EPHA3: variants seen among roughly 807,000 people sequenced by gnomAD.
EPHA3 encodes ephrin type-A receptor 3.
EPHA3 carries 42 observed loss-of-function variants against 107.1 expected under a neutral mutation model. The observed-to-expected ratio is 0.39, with a 90% CI of 0.31 to 0.51. The LOEUF (loss-of-function observed/expected upper bound fraction) is 0.51, where lower values mean the gene tolerates loss of function less well. EPHA3 is among the 20% of genes least tolerant of loss of function. The pLI is 0.78. For missense variants in EPHA3, 1,183 were observed against 1,211.2 expected (o/e 0.98, Z 0.35); for synonymous variants, 461 against 424.8 (o/e 1.09, Z -1.05).
chr3:89,139,288 G>A (rs963711168), intron 2 of EPHA3, among the ~76,000 whole-genome samples: 17 of 151,788 alleles, frequency 1.1e-4, no homozygotes, highest in African/African-American at 1.2e-4. Flanking sequence ...ACTGATAGCC[G>A]CACACTTCAT....
chr3:89,170,153 G>T (rs1040163299), intron 2 of EPHA3, among the ~76,000 whole-genome samples: 1 of 152,008 alleles, frequency 6.6e-6, no homozygotes, highest in African/African-American at 2.4e-5. Context: ...CTGCTCGGGA[G>T]GCTGAGGCAG....
At chr3:89,473,094 T>C (rs1173165212) in intron 16 of EPHA3, among the ~76,000 whole-genome samples, 2 of 152,178 alleles carry the variant, frequency 1.3e-5, no homozygotes, top group Non-Finnish European at 2.9e-5. Flanking sequence ...GTTTTCATAG[T>C]TGCTAAATAA....
intron 3 of EPHA3, among the ~76,000 whole-genome samples, chr3:89,288,284 G>A (rs1024950227): frequency 7.9e-5 from 12 of 152,064 alleles, no homozygotes; most frequent in African/African-American, 2.9e-4. Context: ...CTTTCTAAAT[G>A]GATGTGTCAC....
intron 2 of EPHA3, among the ~76,000 whole-genome samples, chr3:89,170,493 C>G (rs887454884): frequency 3.3e-5 from 5 of 152,020 alleles, no homozygotes; most frequent in African/African-American, 1.2e-4. Flanking sequence ...GTGAAGATTT[C>G]CACTGGTCTA....
intron 15 of EPHA3, among the ~76,000 whole-genome samples, chr3:89,468,993 T>C (rs886796866): frequency 6.6e-6 from 1 of 152,146 alleles, no homozygotes; most frequent in African/African-American, 2.4e-5. Context: ...AGATAACTTA[T>C]GAAATGTTAT....
chr3:89,341,644 A>G, intron 4 of EPHA3, 111 bp from the exon 5 acceptor site: 1 of 860,412 alleles, frequency 1.2e-6, no homozygotes. Flanking sequence ...AAAGTTGATA[A>G]TAAAGAAAGG....
rs573466403 is a variant in EPHA3 at position 89,422,965 on chromosome 3, CACA to C, written c.2074+3580_2074+3582del. Among the ~76,000 whole-genome samples, 24 of 151,422 alleles carry C rather than the reference CACA, an allele frequency of 1.6e-4. No individual in the cohort carries two copies. In the South Asian group the frequency reaches 4.4e-3, roughly 27 times the overall value. Reference sequence around the variant, plus strand: ...GAAAGCGGGGGGCACAGGCTCTGCTCACAACAAGGTACTAACATGTGTTATCAA... The same window carrying C: ...GAAAGCGGGGGGCACAGGCTCTGCTCACAAGGTACTAACATGTGTTATCAA... On this transcript the variant is annotated intron_variant, in intron 11 of 16. Transcript: ENST00000336596.
intron 5 of EPHA3, among the ~76,000 whole-genome samples, chr3:89,362,593 A>C (rs1708115474): frequency 6.6e-6 from 1 of 151,082 alleles, no homozygotes; most frequent in South Asian, 2.1e-4. Flanking sequence ...TAATATGGAA[A>C]GATGTTCCTT....
chr3:89,479,272 G>A, intron 16 of EPHA3, 125 bp from the exon 17 acceptor site: 1 of 731,250 alleles, frequency 1.4e-6, no homozygotes, highest in Non-Finnish European at 2.4e-6. Context: ...CACAGATGAT[G>A]CAAATATCAG....
At chr3:89,353,494 C>T (rs922944015) in intron 5 of EPHA3, among the ~76,000 whole-genome samples, 1 of 151,170 alleles carries the variant, frequency 6.6e-6, no homozygotes, top group African/African-American at 2.4e-5. Flanking sequence ...CTGAATTTGG[C>T]CCTGAGAGTA....
chr3:89,239,520 G>T (rs1036302716), intron 3 of EPHA3, among the ~76,000 whole-genome samples: 1 of 152,060 alleles, frequency 6.6e-6, no homozygotes. Flanking sequence ...GCCACTATTT[G>T]TGCAGTATAT....
rs575659625 is a variant in EPHA3 at position 89,287,696 on chromosome 3, T to A, written c.815-53220T>A. Among the ~76,000 whole-genome samples, 5 of 152,250 alleles carry A rather than the reference T, an allele frequency of 3.3e-5. No homozygotes were observed. In the South Asian group the frequency reaches 1.0e-3, roughly 32 times the overall value. Reference sequence around the variant, plus strand: ...TACACTTAATTTAGTATTACATTTTTTAGAAGAAAATTTTAACAAAAATCA... The same window carrying A: ...TACACTTAATTTAGTATTACATTTTATAGAAGAAAATTTTAACAAAAATCA... On this transcript the variant is annotated intron_variant, in intron 3 of 16. Coordinates refer to ENST00000336596, the MANE Select transcript of EPHA3 (RefSeq NM_005233.6).
intron 9 of EPHA3, among the ~76,000 whole-genome samples, chr3:89,409,249 C>T (rs914229274): frequency 6.6e-6 from 1 of 152,062 alleles, no homozygotes; most frequent in Non-Finnish European, 1.5e-5. Flanking sequence ...AGGTGACCAA[C>T]TCAAAAGTCT....
chr3:89,370,466 A>G (rs1285519166), intron 5 of EPHA3, among the ~76,000 whole-genome samples: 1 of 150,332 alleles, frequency 6.7e-6, no homozygotes, highest in Non-Finnish European at 1.5e-5. Flanking sequence ...ATGAGAACAC[A>G]TGGACACAGG....
intron 4 of EPHA3, 73 bp from the exon 5 acceptor site, chr3:89,341,682 T>G: frequency 1.4e-5 from 17 of 1,221,888 alleles, no homozygotes; most frequent in Non-Finnish European, 2.0e-5. Flanking sequence ...TCAGTTCCAT[T>G]GTAAATTATC....
chr3:89,283,666 C>T (rs981134420), intron 3 of EPHA3, among the ~76,000 whole-genome samples: 1 of 151,990 alleles, frequency 6.6e-6, no homozygotes, highest in Non-Finnish European at 1.5e-5. Context: ...CACTTCTATC[C>T]AGTTTTATTT....
chr3:89,123,207 C>G (rs1467104333), intron 1 of EPHA3, among the ~76,000 whole-genome samples: 1 of 152,178 alleles, frequency 6.6e-6, no homozygotes, highest in East Asian at 1.9e-4. Flanking sequence ...TGCGGTGGCG[C>G]AATCTCGGCT....
At chr3:89,269,979 A>C (rs1023756440) in intron 3 of EPHA3, among the ~76,000 whole-genome samples, 12 of 151,742 alleles carry the variant, frequency 7.9e-5, no homozygotes, top group African/African-American at 2.9e-4. Context: ...CTGGTCTTTC[A>C]GGGTCTGAGT....
intron 3 of EPHA3, among the ~76,000 whole-genome samples, chr3:89,328,120 A>C (rs1460061776): frequency 6.6e-6 from 1 of 152,026 alleles, no homozygotes; most frequent in Non-Finnish European, 1.5e-5. Context: ...AAAGAAAAAA[A>C]CAGAAAAAAC....
Sources: allele counts gnomAD v4.1 joint callset (sites outside exome capture counted in the v4.1 genomes callset), GRCh38; gene constraint gnomAD v4.1.1; transcripts MANE v1.5; gene names NCBI Gene and HGNC (gene_info 2026-07-23, HGNC 2026-07-21).